Variants in PPP4R4 observed in about 807,000 individuals in gnomAD.
PPP4R4 encodes the protein serine/threonine-protein phosphatase 4 regulatory subunit 4.
In PPP4R4, 70 loss-of-function variants were observed where a neutral mutation model predicts 121.8. The ratio of observed to expected loss-of-function variants is 0.57; its 90% CI spans 0.47 to 0.70. The LOEUF is 0.70. Ranked by LOEUF, PPP4R4 falls within the 30% of genes least tolerant of loss-of-function variation. PPP4R4 has a pLI of 0.00. For missense variants in PPP4R4, 875 were observed against 1,033.6 expected (o/e 0.85, Z 2.10); for synonymous variants, 348 against 355.7 (o/e 0.98, Z 0.24).
intron 2 of PPP4R4, among the ~76,000 whole-genome samples, chr14:94,199,718 C>T (rs1040529213): frequency 6.6e-6 from 1 of 152,166 alleles, no homozygotes; most frequent in Non-Finnish European, 1.5e-5. Context: ...CCTCTGACTG[C>T]CCCAGCCAAA....
intron 3 of PPP4R4, among the ~76,000 whole-genome samples, chr14:94,226,614 G>A (rs917052412): frequency 1.3e-5 from 2 of 152,048 alleles, no homozygotes; most frequent in African/African-American, 4.8e-5. Flanking sequence ...ATTTTATAAT[G>A]AAGAGGGCTA....
intron 2 of PPP4R4, among the ~76,000 whole-genome samples, chr14:94,194,492 G>A (rs547594044): frequency 1.3e-5 from 2 of 152,274 alleles, no homozygotes; most frequent in South Asian, 4.1e-4. Flanking sequence ...AAAGAATAAT[G>A]TTGATCAAAT....
Position 94,266,998 on chromosome 14 carries a change from G to A in PPP4R4, c.2418G>A (p.Gly806=), listed in dbSNP as rs200446885. Residue 806 remains glycine, a synonymous_variant, in exon 23 of 25, where the codon GGG becomes GGA. Transcript: ENST00000304338. ...STTGYTTSVS[G]LGKTSVLSLA... ...CAGGATATACAACTTCTGTCTCAGG[G>A]TTAGGAAAGACTTCTGTGCTTTCAC... The A allele has an allele frequency of 2.5e-6, 4 of 1,599,062 alleles. No homozygotes were observed. The highest frequency in any genetic ancestry group is 3.4e-6 in the Non-Finnish European group (4 of 1,168,362).
chr14:94,201,754 G>A (rs1890192129), intron 2 of PPP4R4, among the ~76,000 whole-genome samples: 1 of 152,000 alleles, frequency 6.6e-6, no homozygotes, highest in African/African-American at 2.4e-5. Context: ...GCTGGTTGGT[G>A]AATTCTTATC....
chr14:94,206,993 A>G (rs1308116946), intron 2 of PPP4R4, among the ~76,000 whole-genome samples: 1 of 151,954 alleles, frequency 6.6e-6, no homozygotes, highest in African/African-American at 2.4e-5. Flanking sequence ...GTATTGCTCA[A>G]ATTTCTGCAT....
At chr14:94,261,940 A>C (rs1421311465) in intron 19 of PPP4R4, among the ~76,000 whole-genome samples, 2 of 151,886 alleles carry the variant, frequency 1.3e-5, no homozygotes, top group African/African-American at 4.8e-5. Flanking sequence ...ATCCTTGGCT[A>C]ATGTTTTTGT....
At chr14:94,262,889 G>A (rs543230880) in intron 19 of PPP4R4, among the ~76,000 whole-genome samples, 169 of 152,126 alleles carry the variant, frequency 1.1e-3, no homozygotes, top group Middle Eastern at 3.4e-3. Flanking sequence ...ACTGGGTATA[G>A]AAGTCTGGGT....
At chr14:94,265,760 A>C (rs1245856487) in intron 21 of PPP4R4, 34 bp from the exon 22 acceptor site, 1 of 1,458,914 alleles carries the variant, frequency 6.9e-7, no homozygotes, top group East Asian at 2.3e-5. Flanking sequence ...GGATGAACTG[A>C]ATACATTTTT....
intron 2 of PPP4R4, among the ~76,000 whole-genome samples, chr14:94,205,207 T>C (rs1482213620): frequency 6.6e-6 from 1 of 152,162 alleles, no homozygotes; most frequent in African/African-American, 2.4e-5. Flanking sequence ...TTTGAAAATA[T>C]TAATTCAATT....
chr14:94,258,825 G>A lies in PPP4R4; in HGVS notation c.2052+1G>A. ...CAGAATGGAAATGTCTATGGATGCT[G>A]TAAGTATACTCTCTTTACCTTATTG... On this transcript the variant is annotated splice_donor_variant, in intron 18 of 24. Coordinates refer to ENST00000304338, the MANE Select transcript of PPP4R4 (RefSeq NM_058237.2). LOFTEE classifies it high-confidence loss of function. 1 of 1,586,482 alleles carries A rather than the reference G, an allele frequency of 6.3e-7. No individual in the cohort carries two copies. Among genetic ancestry groups the A allele is most frequent in the Non-Finnish European group, 8.6e-7 (1 of 1,156,148 alleles).
At chr14:94,250,362 G>T in intron 15 of PPP4R4, 85 bp downstream of exon 15, 2 of 863,870 alleles carry the variant, frequency 2.3e-6, no homozygotes, top group South Asian at 1.5e-5. Context: ...GTATCATTTT[G>T]CTGTGAATAA....
chr14:94,253,618 T>G (rs1425773817), intron 16 of PPP4R4, among the ~76,000 whole-genome samples: 1 of 152,204 alleles, frequency 6.6e-6, no homozygotes, highest in Admixed American at 6.5e-5. Context: ...AAAAATAATT[T>G]GAAAGGAAAC....
intron 17 of PPP4R4, 116 bp from the exon 18 acceptor site, chr14:94,258,667 T>C: frequency 1.4e-6 from 1 of 705,560 alleles, no homozygotes; most frequent in Non-Finnish European, 2.5e-6. Flanking sequence ...GACTTAGTCT[T>C]CCCCCTAGTG....
In PPP4R4 at chr14:94,231,306, A is replaced by G; in HGVS notation, c.507A>G (p.Leu169=). The G allele has an allele frequency of 1.2e-6, 2 of 1,609,298 alleles. No homozygotes were observed. The highest frequency in any genetic ancestry group is 1.7e-6 in the Non-Finnish European group (2 of 1,175,960). Residue 169 remains leucine (L), a synonymous_variant, in exon 5 of 25, where the codon CTA becomes CTG. Transcript: ENST00000304338. ...SVIEVLPKET[L]RHEILNPLVS... ...TAGAAGTATTGCCAAAAGAAACCCT[A>G]CGGCATGAGGTAATACTTTCATGGG...
At chr14:94,232,110 TATTA>T (rs1232794391) in intron 5 of PPP4R4, among the ~76,000 whole-genome samples, 2 of 152,210 alleles carry the variant, frequency 1.3e-5, no homozygotes, top group African/African-American at 2.4e-5. Context: ...GTTGTTTGCC[TATTA>T]ATTTTCAACA....
intron 3 of PPP4R4, among the ~76,000 whole-genome samples, chr14:94,222,344 C>T (rs1037616103): frequency 6.6e-6 from 1 of 151,796 alleles, no homozygotes; most frequent in Admixed American, 6.6e-5. Context: ...TGAGCTTAGA[C>T]ATTACAAAAA....
chr14:94,256,644 T>G, intron 17 of PPP4R4, 40 bp downstream of exon 17: 1 of 1,499,998 alleles, frequency 6.7e-7, no homozygotes, highest in South Asian at 1.2e-5. Flanking sequence ...TTTTTTGCAT[T>G]AAGGCAGTAA....
intron 2 of PPP4R4, among the ~76,000 whole-genome samples, chr14:94,197,580 G>A (rs914958665): frequency 1.3e-5 from 2 of 152,058 alleles, no homozygotes; most frequent in Admixed American, 1.3e-4. Context: ...TTGATGTACA[G>A]TAAACTACAT....
chr14:94,217,508 CA>C (rs1458850853), intron 3 of PPP4R4, among the ~76,000 whole-genome samples: 1 of 152,012 alleles, frequency 6.6e-6, no homozygotes, highest in Non-Finnish European at 1.5e-5. Context: ...TCTGGGCACA[CA>C]AAATAGGAAA....
Sources: allele counts gnomAD v4.1 joint callset (sites outside exome capture counted in the v4.1 genomes callset), GRCh38; gene constraint gnomAD v4.1.1; transcripts MANE v1.5; gene names NCBI Gene and HGNC (gene_info 2026-07-23, HGNC 2026-07-21).